The following KCNMB2 variants were observed in gnomAD, a reference collection of about 807,000 sequenced individuals.
KCNMB2 encodes potassium calcium-activated channel subfamily M regulatory beta subunit 2.
Under a neutral mutation model 24.5 loss-of-function variants are expected in KCNMB2, and 9 were observed. The observed-to-expected ratio is 0.37, with a 90% CI of 0.22 to 0.64. The LOEUF is 0.64. Ranked by LOEUF, KCNMB2 falls within the 30% of genes least tolerant of loss-of-function variation. The pLI is 0.63. For missense variants in KCNMB2, 226 were observed against 284.3 expected (o/e 0.79, Z 1.47); for synonymous variants, 109 against 104.4 (o/e 1.04, Z -0.27).
At chr3:178,734,230 T>C (rs1723246260) in intron 1 of KCNMB2, among the ~76,000 whole-genome samples, 2 of 152,368 alleles carry the variant, frequency 1.3e-5, no homozygotes, top group South Asian at 2.1e-4. Flanking sequence ...TATTTTTTAC[T>C]AATTTTGTGC....
intron 1 of KCNMB2, among the ~76,000 whole-genome samples, chr3:178,617,477 G>A (rs555711384): frequency 7.9e-5 from 12 of 151,230 alleles, no homozygotes; most frequent in Non-Finnish European, 4.4e-5. Flanking sequence ...AGAATCGCTT[G>A]AACCCGGGAG....
chr3:178,677,024 C>T (rs1486053452), intron 1 of KCNMB2, among the ~76,000 whole-genome samples: 1 of 152,150 alleles, frequency 6.6e-6, no homozygotes, highest in Admixed American at 6.5e-5. Context: ...CCAGTGGTCC[C>T]TATTCTGGGC....
intron 1 of KCNMB2, among the ~76,000 whole-genome samples, chr3:178,572,444 G>T (rs1053661014): frequency 1.3e-5 from 2 of 152,132 alleles, no homozygotes; most frequent in Admixed American, 1.3e-4. Context: ...GATGATGAAA[G>T]ATTATCAAGA....
intron 1 of KCNMB2, among the ~76,000 whole-genome samples, chr3:178,667,833 C>T (rs1010783251): frequency 6.6e-6 from 1 of 152,208 alleles, no homozygotes; most frequent in Non-Finnish European, 1.5e-5. Flanking sequence ...TATCGGCTTT[C>T]CTGTCCAAAC....
chr3:178,581,678 G>T (rs926540529), intron 1 of KCNMB2, among the ~76,000 whole-genome samples: 1 of 151,566 alleles, frequency 6.6e-6, no homozygotes, highest in South Asian at 2.1e-4. Flanking sequence ...CAAGAAAAAA[G>T]AACAACGCCA....
chr3:178,842,780 G>A lies in KCNMB2; in HGVS notation c.551G>A (p.Ser184Asn), dbSNP rs769490008. The change falls in exon 5 of 5, where the codon AGT becomes AAT. Residue 184 changes from serine (S) to asparagine (N), a missense_variant. Physicochemically the swap from Ser to Asn is conservative, Grantham distance 46. Coordinates refer to ENST00000452583, the MANE Select transcript of KCNMB2 (RefSeq NM_181361.3). ...CYSDPEGNQK[S>N]VILTKLYSSN... ...TCTGACCCAGAAGGAAACCAGAAGA[G>A]TGTTATCCTAACAAAACTCTACAGT... 8.7e-6 allele frequency: 14 copies of A among 1,613,960 alleles called. No individual in the cohort carries two copies. Among genetic ancestry groups the A allele is most frequent in the Middle Eastern group, 3.3e-4 (2 of 6,058 alleles).
intron 1 of KCNMB2, among the ~76,000 whole-genome samples, chr3:178,756,899 T>C (rs548462500): frequency 2.8e-4 from 42 of 152,018 alleles, no homozygotes; most frequent in African/African-American, 1.0e-3. Context: ...TTTCCTGAGC[T>C]TAAAAACACT....
intron 1 of KCNMB2, among the ~76,000 whole-genome samples, chr3:178,654,614 T>C (rs1324899610): frequency 6.6e-6 from 1 of 152,244 alleles, no homozygotes; most frequent in Non-Finnish European, 1.5e-5. Flanking sequence ...TCTTGAGGCA[T>C]AGCCTTGAAT....
chr3:178,783,073 C>G (rs1019936190), intron 1 of KCNMB2, among the ~76,000 whole-genome samples: 56 of 150,572 alleles, frequency 3.7e-4, no homozygotes, highest in African/African-American at 1.4e-3. Flanking sequence ...GCTTGTTTTT[C>G]TCAGGTTTGT....
rs546925582 is a variant in KCNMB2, at chr3:178,697,429, T to G, written c.-67-109914T>G. On this transcript the variant is annotated intron_variant, in intron 1 of 4. Coordinates refer to ENST00000452583, the MANE Select transcript of KCNMB2 (RefSeq NM_181361.3). ...TGTTAGAAACTAGAATTGCAACCCC[T>G]GCTTTTTCCTGTTTTCCATTTGCTT... Among the ~76,000 whole-genome samples the G allele has an allele frequency of 2.0e-5, 3 of 152,328 alleles. No homozygotes were observed. The South Asian group carries it at 6.2e-4, about 32-fold the overall frequency.
At chr3:178,684,152 T>C (rs1222346720) in intron 1 of KCNMB2, among the ~76,000 whole-genome samples, 1 of 152,052 alleles carries the variant, frequency 6.6e-6, no homozygotes, top group Non-Finnish European at 1.5e-5. Context: ...ATATATACAA[T>C]GAAAACTTAT....
At chr3:178,690,513 G>A (rs143334204) in intron 1 of KCNMB2, among the ~76,000 whole-genome samples, 32 of 152,282 alleles carry the variant, frequency 2.1e-4, no homozygotes, top group Non-Finnish European at 3.7e-4. Context: ...ATAAGAGGAA[G>A]AGGAGGAGAA....
chr3:178,640,983 C>G (rs371576533), intron 1 of KCNMB2, among the ~76,000 whole-genome samples: 26 of 152,116 alleles, frequency 1.7e-4, no homozygotes, highest in African/African-American at 6.3e-4. Flanking sequence ...GTCTGTGTTC[C>G]TTTGTCAAAG....
At chr3:178,824,715 C>T (rs1026155525) in intron 2 of KCNMB2, 1 of 152,216 alleles carries the variant, frequency 6.6e-6, no homozygotes, top group Non-Finnish European at 1.5e-5. Context: ...TTGCGTGTAT[C>T]ATGTCACTTA....
chr3:178,731,180 C>T (rs184646030), intron 1 of KCNMB2, among the ~76,000 whole-genome samples: 7 of 152,164 alleles, frequency 4.6e-5, no homozygotes, highest in Non-Finnish European at 8.8e-5. Context: ...CTCCTACTGG[C>T]CCCAGTTGGA....
At position 178,798,119 on chromosome 3, in the gene KCNMB2, C is replaced by T. The variant is rs575181827; in HGVS notation, c.-67-9224C>T. 2.3e-4 allele frequency among the ~76,000 whole-genome samples: 35 copies of T among 152,214 alleles called. No homozygotes were observed. The South Asian group carries it at 6.2e-3, about 27-fold the overall frequency. On this transcript the variant is annotated intron_variant, in intron 1 of 4. Coordinates refer to ENST00000452583, the MANE Select transcript of KCNMB2 (RefSeq NM_181361.3). ...GACTTCCTCTCTTTCTGTTTGAATA[C>T]GGTTTATTTCTTTCTCTTGCCTGAT...
chr3:178,734,334 G>A (rs140567379), intron 1 of KCNMB2, among the ~76,000 whole-genome samples: 3 of 152,256 alleles, frequency 2.0e-5, no homozygotes, highest in Admixed American at 6.5e-5. Context: ...GGAGCATTTC[G>A]GATGTTGGAC....
At chr3:178,748,086 T>C (rs181208605) in intron 1 of KCNMB2, among the ~76,000 whole-genome samples, 93 of 152,062 alleles carry the variant, frequency 6.1e-4, no homozygotes, top group African/African-American at 2.0e-3. Context: ...TTTGGAACTT[T>C]TTACTCTGAG....
At chr3:178,649,187 T>C (rs928733724) in intron 1 of KCNMB2, among the ~76,000 whole-genome samples, 4 of 152,310 alleles carry the variant, frequency 2.6e-5, no homozygotes, top group South Asian at 4.1e-4. Context: ...TTCTCTTTCA[T>C]TGAATATAAT....
Sources: gnomAD v4.1 joint callset for allele counts (sites outside exome capture counted in the v4.1 genomes callset) on GRCh38, gnomAD v4.1.1 for gene constraint, MANE v1.5 for transcripts, NCBI Gene and HGNC (gene_info 2026-07-23, HGNC 2026-07-21) for gene names.